Variants in MICU1 observed in about 807,000 individuals in gnomAD.
The protein encoded by MICU1 is mitochondrial calcium uptake 1.
Under a neutral mutation model 56.8 loss-of-function variants are expected in MICU1, and 45 were observed. The ratio of observed to expected loss-of-function variants is 0.79; its 90% CI spans 0.62 to 1.02. MICU1 has a LOEUF of 1.02. MICU1 is among the 50% of genes least tolerant of loss of function. The probability of loss-of-function intolerance (pLI) is 0.00; values close to 1 mark genes in which losing one functional copy is unlikely to be tolerated. For missense variants in MICU1, 504 were observed against 587.1 expected (o/e 0.86, Z 1.46); for synonymous variants, 186 against 195.1 (o/e 0.95, Z 0.39).
intron 5 of MICU1, chr10:72,524,129 G>GT (rs1387883295): frequency 3.6e-5 from 13 of 363,734 alleles, no homozygotes; most frequent in Non-Finnish European, 5.0e-5. Context: ...AGACTTTTTT[G>GT]TTTTTGTTTT....
chr10:72,516,575 A>G (rs1206878909), intron 5 of MICU1, among the ~76,000 whole-genome samples: 1 of 152,094 alleles, frequency 6.6e-6, no homozygotes, highest in African/African-American at 2.4e-5. Flanking sequence ...TAGGTCTTAC[A>G]TTTAAGTCTT....
In MICU1 at chr10:72,430,033, G is replaced by A. The variant is rs144573904; in HGVS notation, c.934-6662C>T. Among the ~76,000 whole-genome samples the A allele has an allele frequency of 5.9e-5, 9 of 152,284 alleles. No individual in the cohort carries two copies. In the East Asian group the frequency reaches 1.7e-3, roughly 29 times the overall value. On this transcript the variant is annotated intron_variant, in intron 8 of 11. Coordinates refer to ENST00000361114, the MANE Select transcript of MICU1 (RefSeq NM_001195518.2). ...GCCTTTTTATCCTGGTTACTGGAAA[G>A]CTTATAGTCAAGTTTGTGGGCCTCT...
intron 1 of MICU1, among the ~76,000 whole-genome samples, chr10:72,577,630 A>T (rs940928361): frequency 6.6e-6 from 1 of 152,182 alleles, no homozygotes; most frequent in Non-Finnish European, 1.5e-5. Flanking sequence ...TTAGAAGTGG[A>T]GCCTGAATAG....
chr10:72,431,138 A>ATCTATCTATCTG (rs1312118030), intron 8 of MICU1, among the ~76,000 whole-genome samples: 1 of 148,720 alleles, frequency 6.7e-6, no homozygotes, highest in African/African-American at 2.5e-5. Context: ...CTATCTATCT[A>ATCTATCTATCTG]TCTATTTTCT....
chr10:72,615,859 T>C (rs764630032), intron 1 of MICU1, among the ~76,000 whole-genome samples: 1 of 152,074 alleles, frequency 6.6e-6, no homozygotes, highest in Non-Finnish European at 1.5e-5. Context: ...GCGTGCGGCA[T>C]GCACCTGTAG....
intron 10 of MICU1, 106 bp downstream of exon 10, chr10:72,407,823 G>T: frequency 1.5e-6 from 1 of 662,314 alleles, no homozygotes. Context: ...CCATTTCAAG[G>T]ATGCCAAGAA....
intron 3 of MICU1, among the ~76,000 whole-genome samples, chr10:72,558,965 C>T (rs1003374181): frequency 1.3e-5 from 2 of 152,184 alleles, no homozygotes; most frequent in African/African-American, 4.8e-5. Context: ...CTGCGGTGAG[C>T]TTTCATCATG....
chr10:72,569,100 A>G (rs1840523157), intron 1 of MICU1, among the ~76,000 whole-genome samples: 1 of 150,158 alleles, frequency 6.7e-6, no homozygotes, highest in Non-Finnish European at 1.5e-5. Flanking sequence ...TACTGTATAT[A>G]CATCCCTATG....
chr10:72,603,067 T>A (rs1192559162), intron 1 of MICU1, among the ~76,000 whole-genome samples: 1 of 151,800 alleles, frequency 6.6e-6, no homozygotes, highest in Non-Finnish European at 1.5e-5. Flanking sequence ...AGATCCTGTC[T>A]TGCAGTGAGC....
intron 2 of MICU1, among the ~76,000 whole-genome samples, chr10:72,564,595 G>C (rs911465376): frequency 7.0e-6 from 1 of 142,614 alleles, no homozygotes. Context: ...TAATTGCCCA[G>C]AATTTCTGTC....
chr10:72,417,296 C>G (rs1013944239), intron 9 of MICU1, among the ~76,000 whole-genome samples: 1 of 151,836 alleles, frequency 6.6e-6, no homozygotes, highest in African/African-American at 2.4e-5. Flanking sequence ...ACTAAAAACA[C>G]ACAAAAAATT....
At chr10:72,382,401 C>T (rs11000280) in intron 10 of MICU1, among the ~76,000 whole-genome samples, 77,468 of 151,404 alleles carry the variant, frequency 0.51, 21,403 homozygotes, top group Non-Finnish European at 0.64. Context: ...CATGAGCCAC[C>T]GCGCCTGGCC....
intron 8 of MICU1, among the ~76,000 whole-genome samples, chr10:72,436,302 C>A (rs887214209): frequency 3.3e-5 from 5 of 152,224 alleles, no homozygotes; most frequent in Non-Finnish European, 7.3e-5. Context: ...CCAACTCCAA[C>A]AGACCTGCAG....
chr10:72,442,920 T>C (rs1233658690), intron 8 of MICU1, among the ~76,000 whole-genome samples: 1 of 152,020 alleles, frequency 6.6e-6, no homozygotes, highest in Admixed American at 6.6e-5. Flanking sequence ...TCATACCCGT[T>C]TAATTTTTGT....
intron 4 of MICU1, among the ~76,000 whole-genome samples, chr10:72,548,141 A>G (rs965009498): frequency 1.3e-5 from 2 of 152,254 alleles, no homozygotes; most frequent in Non-Finnish European, 2.9e-5. Context: ...CAACAGATAC[A>G]CAACATAGCT....
chr10:72,465,625 T>G (rs1865773179), intron 8 of MICU1, among the ~76,000 whole-genome samples: 1 of 150,052 alleles, frequency 6.7e-6, no homozygotes, highest in Non-Finnish European at 1.5e-5. Flanking sequence ...GTGATTCTCC[T>G]GTCTCAGCCT....
chr10:72,568,747 CTTTTTTT>C (rs72319510), intron 1 of MICU1, among the ~76,000 whole-genome samples: 1 of 55,548 alleles, frequency 1.8e-5, no homozygotes, highest in Admixed American at 2.6e-4. Context: ...AGTTCTTATT[CTTTTTTT>C]TTTTTTTTTT....
At chr10:72,522,590 A>G (rs1041103331) in intron 5 of MICU1, among the ~76,000 whole-genome samples, 2 of 152,176 alleles carry the variant, frequency 1.3e-5, no homozygotes, top group African/African-American at 2.4e-5. Flanking sequence ...TGGAACTCAG[A>G]GACTGGAAAG....
chr10:72,427,733 A>T (rs967717945), intron 8 of MICU1, among the ~76,000 whole-genome samples: 2 of 136,292 alleles, frequency 1.5e-5, no homozygotes, highest in Non-Finnish European at 3.0e-5. Flanking sequence ...CCATCTCTAA[A>T]ATATATATAT....
Sources: gnomAD v4.1 joint callset for allele counts (sites outside exome capture counted in the v4.1 genomes callset) on GRCh38, gnomAD v4.1.1 for gene constraint, MANE v1.5 for transcripts, NCBI Gene and HGNC (gene_info 2026-07-23, HGNC 2026-07-21) for gene names.